The following FGFRL1 variants were observed in gnomAD, a reference collection of about 807,000 sequenced individuals.
The protein encoded by FGFRL1 is fibroblast growth factor receptor like 1, also known as fibroblast growth factor receptor-like 1.
Under a neutral mutation model 36.8 loss-of-function variants are expected in FGFRL1, and 24 were observed. That is an observed-to-expected ratio of 0.65 (90% confidence interval 0.47 to 0.92). FGFRL1 has a LOEUF of 0.92. Among genes scored for constraint, FGFRL1 ranks in the 40% least tolerant of loss-of-function variants. FGFRL1 has a pLI of 0.00. For synonymous variants in FGFRL1, 422 were observed against 344.1 expected (o/e 1.23, Z -2.50); for missense variants, 785 against 753.4 (o/e 1.04, Z -0.49).
intron 2 of FGFRL1, among the ~76,000 whole-genome samples, chr4:1,019,395 C>G (rs1309016136): frequency 6.6e-6 from 1 of 152,244 alleles, no homozygotes; most frequent in Non-Finnish European, 1.5e-5. Context: ...CCAGGAGGCC[C>G]AGGCACCCCT....
rs1318165906 is a variant in FGFRL1, at chr4:1,023,231, C to G, written c.353-410C>G. Among the ~76,000 whole-genome samples the G allele has an allele frequency of 1.3e-5, 2 of 152,060 alleles. No individual in the cohort carries two copies. Among genetic ancestry groups the G allele is most frequent in the African/African-American group, 4.8e-5 (2 of 41,412 alleles). On this transcript the variant is annotated intron_variant, in intron 3 of 6. Coordinates refer to ENST00000510644, the MANE Select transcript of FGFRL1 (RefSeq NM_001004356.3). This position sits in a 1 kb window ranked among gnomAD's most constrained non-coding sequence, Gnocchi z 6.0. ...TGTGTGGAATGGGAAAACTGGCTGT[C>G]CCCCACCCCCACCCCACAGTCCTTT...
chr4:1,023,988 A>G lies in FGFRL1; in HGVS notation c.605A>G (p.Lys202Arg). ...TRPEAAEPRK[K>R]KWTLSLKNLR... is the part of the protein sequence containing the mutation. Reference sequence around the variant, plus strand: ...CCAGAGGCCGCTGAGCCCAGGAAGAAGAAGTGGACACTGAGCCTGAAGAAC... The same window carrying G: ...CCAGAGGCCGCTGAGCCCAGGAAGAGGAAGTGGACACTGAGCCTGAAGAAC... Residue 202 changes from lysine (K) to arginine (R), a missense_variant, in exon 5 of 7, where the codon AAG becomes AGG. Lys to Arg is a conservative substitution (Grantham distance 26). Coordinates refer to ENST00000510644, the MANE Select transcript of FGFRL1 (RefSeq NM_001004356.3). The surrounding 1 kb of genome is among the most constrained non-coding windows in gnomAD (Gnocchi z 6.0). The G allele has an allele frequency of 1.9e-6, 3 of 1,605,736 alleles. No individual in the cohort carries two copies. The highest frequency in any genetic ancestry group is 8.5e-7 in the Non-Finnish European group (1 of 1,177,862).
chr4:1,025,566 C>CTGT lies in FGFRL1; in HGVS notation c.*219_*220insTGT. On this transcript the variant is annotated 3_prime_UTR_variant, in exon 7 of 7. Transcript: ENST00000510644. ...CACACACATGCGCGCACACGTGCTC[C>CTGT]CTGAAGGCACACGTACGCACACACG... 1.6e-6 allele frequency: 1 copy of CTGT among 631,958 alleles called. No homozygotes were observed. The highest frequency in any genetic ancestry group is 2.7e-6 in the Non-Finnish European group (1 of 370,254). The allele number at this position is 631,958 out of a possible 1,614,324, so 39.1% of individuals were successfully genotyped here. A position where few individuals can be genotyped will look rare whatever the true frequency, so the allele number is the denominator to read the frequency against.
At chr4:1,015,187 C>T (rs538448829) in intron 2 of FGFRL1, among the ~76,000 whole-genome samples, 2 of 152,238 alleles carry the variant, frequency 1.3e-5, no homozygotes, top group Non-Finnish European at 2.9e-5. Context: ...GCTGCTCGGC[C>T]CAGGGTGGAC....
rs562692833 is a variant in FGFRL1 at position 1,022,564 on chromosome 4, C to T, written c.352+89C>T. 3.1e-3 allele frequency: 4,472 copies of T among 1,451,590 alleles called. 11 individuals are homozygous for T. Among genetic ancestry groups the T allele is most frequent in the African/African-American group, 9.4e-3 (659 of 70,428 alleles). The allele number at this position is 1,451,590 out of a possible 1,614,324, so 89.9% of individuals were successfully genotyped here. The stretch of plus-strand genomic sequence containing the variant: ...GGCGGACGGGGACACACCTGGGGCC[C>T]GAGAGTCAGCCAGCCCCCGGCAGAA... On this transcript the variant is annotated intron_variant, in intron 3 of 6. Coordinates refer to ENST00000510644, the MANE Select transcript of FGFRL1 (RefSeq NM_001004356.3).
Position 1,025,448 on chromosome 4 carries a change from G to A in FGFRL1, c.*101G>A. On this transcript the variant is annotated 3_prime_UTR_variant, in exon 7 of 7. Transcript: ENST00000510644. ...GACGAAGGCAGGGGACCCATGGCGA[G>A]GAGGAATGGCCAGCACCCCAGGCAG... 7.1e-7 allele frequency: 1 copy of A among 1,414,224 alleles called. No individual in the cohort carries two copies. Among genetic ancestry groups the A allele is most frequent in the Non-Finnish European group, 9.5e-7 (1 of 1,050,010 alleles). The allele number at this position is 1,414,224 out of a possible 1,614,324, so 87.6% of individuals were successfully genotyped here.
chr4:1,022,536 G>T lies in FGFRL1; in HGVS notation c.352+61G>T, dbSNP rs565257348. The T allele has an allele frequency of 2.0e-5, 30 of 1,520,300 alleles. No individual in the cohort carries two copies. In the African/African-American group the frequency reaches 3.8e-4, roughly 19 times the overall value. 94.2% of individuals were successfully genotyped at this position (1,520,300 alleles called of 1,614,324 possible). A position where few individuals can be genotyped will look rare whatever the true frequency, so the allele number is the denominator to read the frequency against. ...GTTGGAGCCAGGCAGGGGTGTGCAG[G>T]AGGGCGGACGGGGACACACCTGGGG... On this transcript the variant is annotated intron_variant, in intron 3 of 6. Transcript: ENST00000510644.
chr4:1,012,494 G>A lies in FGFRL1; in HGVS notation c.9G>A (p.Pro3=), dbSNP rs894900197. 36 of 1,573,816 alleles carry A rather than the reference G, an allele frequency of 2.3e-5. No homozygotes were observed. Among genetic ancestry groups the A allele is most frequent in the Non-Finnish European group, 2.7e-5 (32 of 1,165,032 alleles). Residue 3 remains proline, a synonymous_variant, in exon 2 of 7, where the codon CCG becomes CCA. Transcript: ENST00000510644. Reference sequence around the variant, plus strand: ...GGTCCGGACAGGCCGAGATGACGCCGAGCCCCCTGTTGCTGCTCCTGCTGC... The same window carrying A: ...GGTCCGGACAGGCCGAGATGACGCCAAGCCCCCTGTTGCTGCTCCTGCTGC... MT[P]SPLLLLLLPP...
In FGFRL1 at chr4:1,025,244, A is replaced by AC; in HGVS notation, c.1416dup (p.Lys473GlnfsTer79). ...GGCCCAGTTGCTGGCCCTAAGTTGT[A>AC]CCCCAAACTCTACACAGACATCCAC... is the stretch of plus-strand genomic sequence containing the variant. On this transcript the variant is annotated frameshift_variant, in exon 7 of 7. Coordinates refer to ENST00000510644, the MANE Select transcript of FGFRL1 (RefSeq NM_001004356.3). LOFTEE classifies it high-confidence loss of function. The AC allele has an allele frequency of 6.2e-7, 1 of 1,607,492 alleles. No homozygotes were observed. Among genetic ancestry groups the AC allele is most frequent in the Middle Eastern group, 1.7e-4 (1 of 6,050 alleles).
chr4:1,025,179 G>A lies in FGFRL1; in HGVS notation c.1347G>A (p.Glu449=), dbSNP rs200350207. The A allele has an allele frequency of 8.0e-5, 129 of 1,610,410 alleles. No homozygotes were observed. The African/African-American group carries it at 1.6e-3, about 20-fold the overall frequency. ...GCCCTGGTGTGGGGCTGTGTGAGGA[G>A]CATGGGTCTCCGGCAGCCCCCCAGC... The part of the protein sequence containing the change: ...SAGPGVGLCE[E]HGSPAAPQHL... Residue 449 remains glutamate, a synonymous_variant, in exon 7 of 7, where the codon GAG becomes GAA. Transcript: ENST00000510644.
At chr4:1,012,284 A>T in intron 1 of FGFRL1, 186 bp from the exon 2 acceptor site, 1 of 513,138 alleles carries the variant, frequency 1.9e-6, no homozygotes, top group Non-Finnish European at 3.3e-6. Context: ...CCCGGTAATT[A>T]GTGTAAACCC....
At chr4:1,012,697 C>A in intron 2 of FGFRL1, 133 bp downstream of exon 2, 1 of 421,190 alleles carries the variant, frequency 2.4e-6, no homozygotes, top group Non-Finnish European at 4.1e-6. Flanking sequence ...CTCGCCAGGC[C>A]CCCTTCCTTC....
At chr4:1,021,436 G>T (rs760487197) in intron 2 of FGFRL1, among the ~76,000 whole-genome samples, 42 of 152,102 alleles carry the variant, frequency 2.8e-4, no homozygotes, top group Non-Finnish European at 5.3e-4. Context: ...CTCTCCAGAG[G>T]CTTGCTCTCT....
intron 3 of FGFRL1, among the ~76,000 whole-genome samples, chr4:1,022,885 C>T (rs867245249): frequency 6.6e-6 from 1 of 152,166 alleles, no homozygotes; most frequent in Non-Finnish European, 1.5e-5. Flanking sequence ...GGGGCCCGGG[C>T]GCTGGGCTTG....
rs1297183678 is a variant in FGFRL1 at position 1,026,256 on chromosome 4, A to G, written c.*909A>G. The G allele has an allele frequency of 6.4e-6, 1 of 156,730 alleles. No individual in the cohort carries two copies. The highest frequency in any genetic ancestry group is 2.4e-5 in the African/African-American group (1 of 41,332). The allele number at this position is 156,730 out of a possible 1,614,324, so 9.7% of individuals were successfully genotyped here. On this transcript the variant is annotated 3_prime_UTR_variant, in exon 7 of 7. Coordinates refer to ENST00000510644, the MANE Select transcript of FGFRL1 (RefSeq NM_001004356.3). ...ACACATGCAGATATGCTGCCTGGGC[A>G]CACACTTCCGGACACACATGCACAC...
intron 2 of FGFRL1, among the ~76,000 whole-genome samples, chr4:1,014,165 C>T (rs549393471): frequency 6.6e-5 from 10 of 152,304 alleles, no homozygotes; most frequent in East Asian, 5.8e-4. Context: ...AGCCATTTCC[C>T]GCTGGGTCAT....
rs202228086 is a variant in FGFRL1, at chr4:1,024,564, C to G, written c.972C>G (p.Leu324=). 50 of 1,612,368 alleles carry G rather than the reference C, an allele frequency of 3.1e-5. No individual in the cohort carries two copies. Among genetic ancestry groups the G allele is most frequent in the Non-Finnish European group, 4.2e-5 (49 of 1,179,882 alleles). Residue 324 remains leucine, a synonymous_variant, in exon 6 of 7, where the codon CTC becomes CTG. Transcript: ENST00000510644. Reference sequence around the variant, plus strand: ...ACGGCTCCTACCTCAATAAGCTGCTCATCACCCGTGCCCGCCAGGACGATG... The same window carrying G: ...ACGGCTCCTACCTCAATAAGCTGCTGATCACCCGTGCCCGCCAGGACGATG... The part of the protein sequence containing the change: ...RPDGSYLNKL[L]ITRARQDDAG...
intron 2 of FGFRL1, among the ~76,000 whole-genome samples, chr4:1,016,760 C>A (rs575407605): frequency 1.3e-5 from 2 of 152,090 alleles, no homozygotes; most frequent in African/African-American, 2.4e-5. Context: ...TGTGCCTGAG[C>A]GTCCCGGGGC....
At chr4:1,012,370 TGG>T (rs1440936670) in intron 1 of FGFRL1, 98 bp from the exon 2 acceptor site, 1 of 1,403,408 alleles carries the variant, frequency 7.1e-7, no homozygotes, top group Non-Finnish European at 9.6e-7. Flanking sequence ...GGAGGGCCTG[TGG>T]GGAGGGCGGC....
Sources: gnomAD v4.1 joint callset for allele counts (sites outside exome capture counted in the v4.1 genomes callset) on GRCh38, gnomAD v4.1.1 for gene constraint, Gnocchi (gnomAD v3.1) non-coding constraint, MANE v1.5 for transcripts, NCBI Gene and HGNC (gene_info 2026-07-23, HGNC 2026-07-21) for gene names.